Variants in RBM41 observed in about 807,000 individuals in gnomAD.
The protein encoded by RBM41 is RNA-binding protein 41.
RBM41 carries 14 observed loss-of-function variants against 30.8 expected under a neutral mutation model. That is an observed-to-expected ratio of 0.45 (90% confidence interval 0.30 to 0.71). The LOEUF is 0.71. RBM41 is among the 30% of genes least tolerant of loss of function. The probability of loss-of-function intolerance (pLI) is 0.08; values close to 1 mark genes in which losing one functional copy is unlikely to be tolerated. For synonymous variants in RBM41, 120 were observed against 110.1 expected, an observed-to-expected ratio of 1.09 and a Z score of -0.56; for missense variants, 276 against 326.3, an observed-to-expected ratio of 0.85 and a Z score of 1.19.
rs1336571178 is a variant in RBM41, at chrX:107,062,747, T to C, written c.*4780A>G. 8.9e-6 allele frequency among the ~76,000 whole-genome samples: 1 copy of C among 112,048 alleles called. No homozygotes were observed. Among genetic ancestry groups the C allele is most frequent in the Non-Finnish European group, 1.9e-5 (1 of 53,201 alleles). On this transcript the variant is annotated 3_prime_UTR_variant, in exon 8 of 8. Transcript: ENST00000685964. ...CCTATTCAATCCCACTTCCAAAGGT[T>C]TATAACTTTCTATGTCTATTTCCCA...
intron 5 of RBM41, among the ~76,000 whole-genome samples, chrX:107,108,672 T>C: frequency 8.9e-6 from 1 of 112,388 alleles, no homozygotes; most frequent in Non-Finnish European, 1.9e-5. Flanking sequence ...TGCTAAGAGA[T>C]GAATGTAACT....
At chrX:107,102,909 C>T (rs1194585029) in intron 5 of RBM41, among the ~76,000 whole-genome samples, 1 of 111,435 alleles carries the variant, frequency 9.0e-6, no homozygotes, top group African/African-American at 3.3e-5. Flanking sequence ...TTATGCCTGT[C>T]CCACTATTTT....
intron 6 of RBM41, among the ~76,000 whole-genome samples, chrX:107,079,823 A>G (rs749074669): frequency 8.9e-6 from 1 of 111,806 alleles, no homozygotes; most frequent in South Asian, 3.8e-4. Context: ...GTCATTTATC[A>G]TCTGTCTATA....
At position 107,113,276 on chromosome X, in the gene RBM41, C is replaced by T. The variant is rs1395732220; in HGVS notation, c.595+121G>A. ...TAATATTCTGTATCAGGATAATATG[C>T]TCCCTCTGGATCATTTCCTATAAAC... On this transcript the variant is annotated intron_variant, in intron 5 of 7. Coordinates refer to ENST00000685964, the MANE Select transcript of RBM41 (RefSeq NM_001324242.2). 6.1e-6 allele frequency: 5 copies of T among 824,447 alleles called. No homozygotes were observed. The East Asian group carries it at 3.2e-4, about 53-fold the overall frequency. 67.9% of individuals were successfully genotyped at this position (824,447 alleles called of 1,213,427 possible).
In RBM41 at chrX:107,067,014, A is replaced by T. The variant is rs1364925259; in HGVS notation, c.*513T>A. 1 of 747,035 alleles carries T rather than the reference A, an allele frequency of 1.3e-6. No individual in the cohort carries two copies. The highest frequency in any genetic ancestry group is 8.9e-5 in the Admixed American group (1 of 11,243). 61.6% of individuals were successfully genotyped at this position (747,035 alleles called of 1,213,427 possible). On this transcript the variant is annotated 3_prime_UTR_variant, in exon 8 of 8. Coordinates refer to ENST00000685964, the MANE Select transcript of RBM41 (RefSeq NM_001324242.2). ...TTAAATAAGTCAACTGACTTATGAA[A>T]CTACCTACTATTACTGCTGATAGTT...
At chrX:107,097,894 T>C (rs1187628113) in intron 5 of RBM41, among the ~76,000 whole-genome samples, 1 of 111,183 alleles carries the variant, frequency 9.0e-6, no homozygotes, top group Non-Finnish European at 1.9e-5. Context: ...TTGGGGTGTA[T>C]GTGGGAGTCA....
At chrX:107,101,291 T>C (rs1250436972) in intron 5 of RBM41, among the ~76,000 whole-genome samples, 4 of 111,326 alleles carry the variant, frequency 3.6e-5, no homozygotes, top group African/African-American at 1.3e-4. Flanking sequence ...TATAAAGAGA[T>C]CGTTTGCAAA....
At position 107,115,891 on chromosome X, in the gene RBM41, T is replaced by C. The variant is rs1049674378; in HGVS notation, c.289A>G (p.Ile97Val). ...ELGLNETEIL[I>V]WKSHVSGEKK... ...TCACCAGAAACATGGCTCTTCCAGA[T>C]CAAGATTTCTGTTTCATTAAGCCCT... Residue 97 changes from isoleucine to valine, a missense_variant, in exon 3 of 8, where the codon ATC (isoleucine) becomes GTC (valine). Ile to Val is a conservative substitution (Grantham distance 29, BLOSUM62 3). Coordinates refer to ENST00000685964, the MANE Select transcript of RBM41 (RefSeq NM_001324242.2). 5 of 1,200,701 alleles carry C rather than the reference T, an allele frequency of 4.2e-6. No individual in the cohort carries two copies. Among genetic ancestry groups the C allele is most frequent in the Non-Finnish European group, 5.6e-6 (5 of 890,071 alleles).
chrX:107,094,711 T>G (rs1264661284), intron 5 of RBM41, among the ~76,000 whole-genome samples: 1 of 110,887 alleles, frequency 9.0e-6, no homozygotes, highest in Non-Finnish European at 1.9e-5. Flanking sequence ...ATCATAAGGG[T>G]CCTTATCAGA....
At chrX:107,069,641 C>T (rs1935974141) in intron 6 of RBM41, 1 of 249,083 alleles carries the variant, frequency 4.0e-6, no homozygotes, top group Non-Finnish European at 7.0e-6. Flanking sequence ...TTTTAGTAGA[C>T]GTGGGGTTTC....
chrX:107,095,291 T>A (rs1048803966), intron 5 of RBM41, among the ~76,000 whole-genome samples: 3 of 111,303 alleles, frequency 2.7e-5, no homozygotes, highest in African/African-American at 9.8e-5. Context: ...AGGATACAAA[T>A]TAATATAGAA....
intron 6 of RBM41, among the ~76,000 whole-genome samples, chrX:107,077,138 T>C (rs1207068736): frequency 9.0e-6 from 1 of 111,486 alleles, no homozygotes; most frequent in African/African-American, 3.3e-5. Flanking sequence ...CCCTTTGATA[T>C]GAATTTTTTT....
the RBM41 span, among the ~76,000 whole-genome samples, chrX:107,055,486 A>G: frequency 3.6e-5 from 4 of 111,031 alleles, no homozygotes; most frequent in East Asian, 2.9e-4. Flanking sequence ...CACCACGCCC[A>G]GCTAATTTTT....
chrX:107,103,329 T>G (rs1034988616), intron 5 of RBM41, among the ~76,000 whole-genome samples: 4 of 110,996 alleles, frequency 3.6e-5, no homozygotes, highest in Non-Finnish European at 7.6e-5. Flanking sequence ...ACTGATATCC[T>G]TTTAAGAGAG....
At chrX:107,101,203 T>C in intron 5 of RBM41, among the ~76,000 whole-genome samples, 1 of 111,291 alleles carries the variant, frequency 9.0e-6, no homozygotes, top group Non-Finnish European at 1.9e-5. Flanking sequence ...CATATGGGGA[T>C]TTTTGGAGTA....
intron 6 of RBM41, among the ~76,000 whole-genome samples, chrX:107,074,524 T>G (rs1366987036): frequency 9.0e-6 from 1 of 111,386 alleles, no homozygotes. Context: ...TAGAAAAAAA[T>G]TAAACCAAAA....
chrX:107,065,774 A>G lies in RBM41; in HGVS notation c.*1753T>C, dbSNP rs1935816034. 1.0e-5 allele frequency: 12 copies of G among 1,151,338 alleles called. No homozygotes were observed. The South Asian group carries it at 1.6e-4, about 16-fold the overall frequency. The allele number at this position is 1,151,338 out of a possible 1,213,427, so 94.9% of individuals were successfully genotyped here. The stretch of plus-strand genomic sequence containing the variant: ...CTTCTTCAACCTGTTATCGGCAAAT[A>G]TATTATATTTTATACGTTATAGGCC... On this transcript the variant is annotated 3_prime_UTR_variant, in exon 8 of 8. Transcript: ENST00000685964.
At chrX:107,109,688 T>C (rs1924296370) in intron 5 of RBM41, among the ~76,000 whole-genome samples, 1 of 111,627 alleles carries the variant, frequency 9.0e-6, no homozygotes, top group African/African-American at 3.2e-5. Context: ...CAGTTATTAA[T>C]TTGAAATCTT....
Position 107,116,738 on chromosome X carries a change from G to A in RBM41, c.37C>T (p.His13Tyr), listed in dbSNP as rs775010046. 27 of 1,209,028 alleles carry A rather than the reference G, an allele frequency of 2.2e-5. No individual in the cohort carries two copies. The South Asian group carries it at 4.4e-4, about 20-fold the overall frequency. Residue 13 changes from histidine to tyrosine, a missense_variant, in exon 2 of 8, where the codon CAT (histidine) becomes TAT (tyrosine). By Grantham distance (83) the His-to-Tyr change is moderately conservative. Transcript: ENST00000685964. ...RVNSCVKSDEHVLEELETEGE... is the reference protein window; with the variant it reads ...RVNSCVKSDEYVLEELETEGE... ...TCTGTTTCCAGCTCCTCCAGGACAT[G>A]CTCATCACTCTTCACACAGCTGTTT...
Sources: gnomAD v4.1 joint callset for allele counts (sites outside exome capture counted in the v4.1 genomes callset) on GRCh38, gnomAD v4.1.1 for gene constraint, MANE v1.5 for transcripts, NCBI Gene and HGNC (gene_info 2026-07-23, HGNC 2026-07-21) for gene names.